The following C1QTNF7 variants were observed in gnomAD, a reference collection of about 807,000 sequenced individuals.
C1QTNF7 encodes the protein C1q and TNF related 7, also known as complement C1q tumor necrosis factor-related protein 7.
C1QTNF7 carries 15 observed loss-of-function variants against 19.6 expected under a neutral mutation model. That is an observed-to-expected ratio of 0.76 (90% CI 0.51 to 1.18). C1QTNF7 has a LOEUF of 1.18. Ranked by LOEUF, C1QTNF7 falls within the 50% of genes most tolerant of loss-of-function variation. The pLI is 0.00. For synonymous variants in C1QTNF7, 142 were observed against 137.5 expected, an observed-to-expected ratio of 1.03 and a Z score of -0.23; for missense variants, 324 against 359.7, an observed-to-expected ratio of 0.90 and a Z score of 0.80.
At chr4:15,426,209 C>T (rs141663780), upstream of C1QTNF7, among the ~76,000 whole-genome samples, 61 of 152,238 alleles carry the variant, frequency 4.0e-4, no homozygotes, top group African/African-American at 1.4e-3. Flanking sequence ...AATAAGACCC[C>T]GTCCTTGGGG....
intron 1 of C1QTNF7, among the ~76,000 whole-genome samples, chr4:15,355,677 A>C (rs949419885): frequency 6.6e-6 from 1 of 152,118 alleles, no homozygotes; most frequent in African/African-American, 2.4e-5. Flanking sequence ...ACCAATCAGA[A>C]AGAGGCTGAA....
At chr4:15,354,351 G>C (rs1717052957) in intron 1 of C1QTNF7, among the ~76,000 whole-genome samples, 1 of 152,126 alleles carries the variant, frequency 6.6e-6, no homozygotes, top group Non-Finnish European at 1.5e-5. Flanking sequence ...AAGGAAATGG[G>C]ATGCCATCAA....
chr4:15,340,228 C>T, intron 1 of C1QTNF7: 1 of 1,551,350 alleles, frequency 6.4e-7, no homozygotes, highest in Non-Finnish European at 8.7e-7. Flanking sequence ...ATTTTCACTG[C>T]AGTTTTTCTC....
chr4:15,426,212 C>T (rs1712040948), upstream of C1QTNF7, among the ~76,000 whole-genome samples: 1 of 152,168 alleles, frequency 6.6e-6, no homozygotes, highest in South Asian at 2.1e-4. Flanking sequence ...AAGACCCCGT[C>T]CTTGGGGTGA....
At chr4:15,393,785 C>A (rs966645808) in intron 1 of C1QTNF7, among the ~76,000 whole-genome samples, 24 of 152,178 alleles carry the variant, frequency 1.6e-4, no homozygotes, top group Admixed American at 1.5e-3. Context: ...CAAGACAGGG[C>A]TACTCACTCA....
intron 2 of C1QTNF7, among the ~76,000 whole-genome samples, chr4:15,436,950 C>A (rs952232334): frequency 2.0e-5 from 3 of 152,076 alleles, no homozygotes; most frequent in Non-Finnish European, 4.4e-5. Context: ...ATTTGCCATG[C>A]GGATAATATC....
intron 1 of C1QTNF7, among the ~76,000 whole-genome samples, chr4:15,412,537 C>T (rs560676362): frequency 9.2e-5 from 14 of 152,272 alleles, no homozygotes; most frequent in African/African-American, 3.1e-4. Flanking sequence ...TTCTGCCTCC[C>T]TCTTAAAAGG....
At chr4:15,361,549 A>G (rs746377403) in intron 1 of C1QTNF7, among the ~76,000 whole-genome samples, 1 of 152,112 alleles carries the variant, frequency 6.6e-6, no homozygotes, top group Non-Finnish European at 1.5e-5. Flanking sequence ...AGAAGGTCCA[A>G]ATGATTCCAG....
intron 1 of C1QTNF7, among the ~76,000 whole-genome samples, chr4:15,380,960 A>G (rs1718120338): frequency 1.3e-5 from 2 of 152,064 alleles, no homozygotes; most frequent in East Asian, 1.9e-4. Flanking sequence ...AAAGAAAAAA[A>G]GGTAGAGGGA....
At chr4:15,394,914 G>T (rs886187105) in intron 1 of C1QTNF7, among the ~76,000 whole-genome samples, 3 of 152,170 alleles carry the variant, frequency 2.0e-5, no homozygotes, top group Non-Finnish European at 4.4e-5. Flanking sequence ...TTTCCCAAAA[G>T]AACTTGAGTA....
chr4:15,396,810 C>T (rs1314019293), intron 1 of C1QTNF7, among the ~76,000 whole-genome samples: 1 of 152,042 alleles, frequency 6.6e-6, no homozygotes, highest in Non-Finnish European at 1.5e-5. Context: ...TTCTTGGCAG[C>T]CCACACACTG....
chr4:15,356,827 T>C (rs1019212973), intron 1 of C1QTNF7, among the ~76,000 whole-genome samples: 2 of 152,156 alleles, frequency 1.3e-5, no homozygotes, highest in Non-Finnish European at 2.9e-5. Flanking sequence ...TGTGGTTTTG[T>C]ATTGCATTTC....
chr4:15,426,001 A>G (rs1176131142), upstream of C1QTNF7, among the ~76,000 whole-genome samples: 1 of 152,104 alleles, frequency 6.6e-6, no homozygotes, highest in East Asian at 1.9e-4. Flanking sequence ...GGGGGTATTC[A>G]CTCCAAGAAA....
intron 1 of C1QTNF7, among the ~76,000 whole-genome samples, chr4:15,388,729 A>G (rs1718439106): frequency 1.3e-5 from 2 of 152,230 alleles, no homozygotes; most frequent in African/African-American, 4.8e-5. Flanking sequence ...AGGATATGTG[A>G]TGAGTCTTCC....
At chr4:15,440,181 G>A (rs983651094) in intron 2 of C1QTNF7, among the ~76,000 whole-genome samples, 4 of 152,008 alleles carry the variant, frequency 2.6e-5, no homozygotes, top group African/African-American at 7.2e-5. Flanking sequence ...TGGTGATTTG[G>A]AATTTGTGAA....
In C1QTNF7 at chr4:15,393,170, C is replaced by T. The variant is rs145605568; in HGVS notation, c.14-42566C>T. On this transcript the variant is annotated intron_variant, in intron 1 of 2. Coordinates refer to the C1QTNF7 transcript ENST00000295297. ...TGGCCCTCTTTTCTGTCTTGTCTGC[C>T]GCCATGTAAGACATGCCTTTTGCCT... 3.0e-3 allele frequency among the ~76,000 whole-genome samples: 453 copies of T among 152,300 alleles called. 1 individual carries two copies. Among genetic ancestry groups the T allele is most frequent in the Non-Finnish European group, 3.7e-3 (253 of 68,024 alleles).
chr4:15,432,565 T>C (rs144672245), intron 1 of C1QTNF7, among the ~76,000 whole-genome samples: 38 of 152,258 alleles, frequency 2.5e-4, no homozygotes, highest in African/African-American at 8.9e-4. Flanking sequence ...AGGGCTACTT[T>C]TTGTATTTTT....
At chr4:15,393,161 CT>C (rs1338425225) in intron 1 of C1QTNF7, among the ~76,000 whole-genome samples, 3 of 152,238 alleles carry the variant, frequency 2.0e-5, no homozygotes, top group South Asian at 2.1e-4. Flanking sequence ...TCTTTTCTGT[CT>C]TGTCTGCCGC....
At chr4:15,407,764 T>C (rs1415363203) in intron 1 of C1QTNF7, among the ~76,000 whole-genome samples, 1 of 152,080 alleles carries the variant, frequency 6.6e-6, no homozygotes, top group African/African-American at 2.4e-5. Context: ...TCCTTCATGT[T>C]ATATATATAC....
Sources: gnomAD v4.1 joint callset for allele counts (sites outside exome capture counted in the v4.1 genomes callset) on GRCh38, gnomAD v4.1.1 for gene constraint, MANE v1.5 for transcripts, NCBI Gene and HGNC (gene_info 2026-07-23, HGNC 2026-07-21) for gene names.